PARD3B: variants seen among roughly 807,000 people sequenced by gnomAD.
PARD3B encodes the protein par-3 family cell polarity regulator beta.
PARD3B carries 103 observed loss-of-function variants against 130.2 expected under a neutral mutation model. That is an observed-to-expected ratio of 0.79 (90% CI 0.67 to 0.93). PARD3B has a LOEUF of 0.93. Ranked by LOEUF, PARD3B falls within the 40% of genes least tolerant of loss-of-function variation. The pLI, the probability that PARD3B is intolerant of heterozygous loss-of-function variation, is 0.00. For missense variants in PARD3B, 1,609 were observed against 1,499.2 expected (o/e 1.07, Z -1.21); for synonymous variants, 583 against 553.2 (o/e 1.05, Z -0.76).
chr2:204,726,998 C>T (rs2039260646), intron 2 of PARD3B, among the ~76,000 whole-genome samples: 1 of 152,170 alleles, frequency 6.6e-6, no homozygotes, highest in South Asian at 2.1e-4. Flanking sequence ...TGATCCTTCC[C>T]TTCCCCGCCC....
chr2:205,505,599 A>C (rs369140677), intron 21 of PARD3B, among the ~76,000 whole-genome samples: 1 of 152,216 alleles, frequency 6.6e-6, no homozygotes, highest in African/African-American at 2.4e-5. Flanking sequence ...TAAGTAAGCA[A>C]GATATACTAG....
intron 16 of PARD3B, among the ~76,000 whole-genome samples, chr2:205,293,025 A>G (rs1198251434): frequency 6.6e-6 from 1 of 152,198 alleles, no homozygotes; most frequent in Non-Finnish European, 1.5e-5. Flanking sequence ...ACTTTCTATC[A>G]GTTCTGTAAA....
At chr2:205,529,440 T>G (rs955763061) in intron 21 of PARD3B, among the ~76,000 whole-genome samples, 4 of 152,062 alleles carry the variant, frequency 2.6e-5, no homozygotes. Flanking sequence ...ATTTCACTCA[T>G]TTTTTTTCTG....
chr2:205,047,540 C>G (rs1316215185), intron 3 of PARD3B, 41 bp from the exon 4 acceptor site: 1 of 1,348,948 alleles, frequency 7.4e-7, no homozygotes, highest in East Asian at 2.5e-5. Flanking sequence ...CTCTTCACCC[C>G]AGGGTTCTTT....
chr2:204,554,027 A>T (rs1365347928), intron 1 of PARD3B, among the ~76,000 whole-genome samples: 1 of 152,096 alleles, frequency 6.6e-6, no homozygotes, highest in African/African-American at 2.4e-5. Context: ...CCTGTTCCCC[A>T]ATAATTTATG....
At chr2:205,051,757 G>A (rs1699207123) in intron 4 of PARD3B, among the ~76,000 whole-genome samples, 1 of 152,162 alleles carries the variant, frequency 6.6e-6, no homozygotes. Flanking sequence ...GCTTAAATTA[G>A]AAAAATCAGA....
At chr2:205,164,205 T>G (rs1365986805) in intron 11 of PARD3B, among the ~76,000 whole-genome samples, 1 of 152,228 alleles carries the variant, frequency 6.6e-6, no homozygotes, top group East Asian at 1.9e-4. Flanking sequence ...ATTTTCCGTT[T>G]TAAAAAAATC....
At chr2:204,942,012 A>AT (rs1429517807) in intron 2 of PARD3B, among the ~76,000 whole-genome samples, 5 of 152,244 alleles carry the variant, frequency 3.3e-5, no homozygotes, top group African/African-American at 1.2e-4. Context: ...ACTTGTTTAG[A>AT]TTTTTTAATG....
rs978856346 is a variant in PARD3B, at chr2:205,525,255, A to G, written c.3180+25224A>G. 1.3e-5 allele frequency among the ~76,000 whole-genome samples: 2 copies of G among 152,194 alleles called. No individual in the cohort carries two copies. The highest frequency in any genetic ancestry group is 4.8e-5 in the African/African-American group (2 of 41,454). On this transcript the variant is annotated intron_variant, in intron 21 of 22. Transcript: ENST00000406610. This position sits in a 1 kb window ranked among gnomAD's most constrained non-coding sequence, Gnocchi z 4.2. The stretch of plus-strand genomic sequence containing the variant: ...AGAGACATGGTATGTAAAACTTCCA[A>G]ATTGGTTTCCTTACCACTCCAAGAG...
intron 18 of PARD3B, among the ~76,000 whole-genome samples, chr2:205,380,550 A>ATATATACTG (rs1559033762): frequency 3.9e-4 from 1 of 2,538 alleles, no homozygotes; most frequent in African/African-American, 1.2e-3. Context: ...TATATAAAGA[A>ATATATACTG]TATATATTAT....
At chr2:205,368,735 C>G (rs951621626) in intron 18 of PARD3B, among the ~76,000 whole-genome samples, 1 of 152,072 alleles carries the variant, frequency 6.6e-6, no homozygotes, top group Admixed American at 6.6e-5. Context: ...TTTTAATTAC[C>G]TCTCTAATAT....
Position 204,907,540 on chromosome 2 carries a change from G to A in PARD3B, c.223-57612G>A, listed in dbSNP as rs1342594649. ...GAATTTCACTGTGTCACTCTGGGTG[G>A]TAATGCAAGGCACATTGGGGGCTCA... is the stretch of plus-strand genomic sequence containing the variant. On this transcript the variant is annotated intron_variant, in intron 2 of 22. Transcript: ENST00000406610. This position sits in a 1 kb window ranked among gnomAD's most constrained non-coding sequence, Gnocchi z 5.7. Among the ~76,000 whole-genome samples, 2 of 152,154 alleles carry A rather than the reference G, an allele frequency of 1.3e-5. No homozygotes were observed. Among genetic ancestry groups the A allele is most frequent in the African/African-American group, 4.8e-5 (2 of 41,442 alleles).
intron 3 of PARD3B, among the ~76,000 whole-genome samples, chr2:204,988,059 G>A (rs913066242): frequency 2.0e-5 from 3 of 152,112 alleles, no homozygotes; most frequent in African/African-American, 7.2e-5. Flanking sequence ...TCATCACATT[G>A]CAGGAGGAGG....
intron 16 of PARD3B, among the ~76,000 whole-genome samples, chr2:205,296,919 T>TTTAAGAGAAA (rs2041819369): frequency 4.6e-5 from 7 of 151,988 alleles, no homozygotes; most frequent in Admixed American, 4.6e-4. Context: ...GAGGCCACAA[T>TTTAAGAGAAA]TTTAAGAGAA....
At chr2:205,509,991 C>G (rs546929539) in intron 21 of PARD3B, among the ~76,000 whole-genome samples, 4 of 152,342 alleles carry the variant, frequency 2.6e-5, no homozygotes, top group African/African-American at 9.6e-5. Context: ...GTCCACTCAT[C>G]CTGTCTTTTG....
chr2:205,335,267 G>C (rs2043270854), intron 18 of PARD3B, among the ~76,000 whole-genome samples: 2 of 152,172 alleles, frequency 1.3e-5, no homozygotes, highest in South Asian at 4.1e-4. Context: ...TTGGAACATG[G>C]TGGGAAGTCT....
intron 1 of PARD3B, among the ~76,000 whole-genome samples, chr2:204,568,126 G>C (rs796303432): frequency 3.9e-5 from 6 of 152,260 alleles, no homozygotes; most frequent in African/African-American, 1.4e-4. Context: ...TGACTTTGCA[G>C]ATTTTCAAAA....
intron 18 of PARD3B, among the ~76,000 whole-genome samples, chr2:205,306,723 G>A (rs1479472840): frequency 6.6e-6 from 1 of 152,180 alleles, no homozygotes; most frequent in Non-Finnish European, 1.5e-5. Flanking sequence ...TTTATCTTCT[G>A]TGTAAAAATA....
At chr2:205,079,443 T>A (rs1701272295) in intron 4 of PARD3B, among the ~76,000 whole-genome samples, 1 of 152,162 alleles carries the variant, frequency 6.6e-6, no homozygotes, top group Non-Finnish European at 1.5e-5. Context: ...TGGCACCCTG[T>A]TGCTGTATCC....
Sources: allele counts gnomAD v4.1 joint callset (sites outside exome capture counted in the v4.1 genomes callset), GRCh38; gene constraint gnomAD v4.1.1; non-coding constraint Gnocchi (gnomAD v3.1); transcripts MANE v1.5; gene names NCBI Gene and HGNC (gene_info 2026-07-23, HGNC 2026-07-21).